SRRM4: variants seen among roughly 807,000 people sequenced by gnomAD.
SRRM4 encodes serine/arginine repetitive matrix 4.
In SRRM4, 33 loss-of-function variants were observed where a neutral mutation model predicts 68.9. That is an observed-to-expected ratio of 0.48 (90% CI 0.36 to 0.64). The LOEUF (loss-of-function observed/expected upper bound fraction) is 0.64. Ranked by LOEUF, SRRM4 falls within the 30% of genes least tolerant of loss-of-function variation. SRRM4 has a pLI of 0.00. For missense variants in SRRM4, 817 were observed against 827.1 expected, an observed-to-expected ratio of 0.99 and a Z score of 0.15; for synonymous variants, 318 against 318.8, an observed-to-expected ratio of 1.00 and a Z score of 0.03.
chr12:119,079,688 G>A (rs1953936495), intron 1 of SRRM4, among the ~76,000 whole-genome samples: 1 of 152,126 alleles, frequency 6.6e-6, no homozygotes, highest in Non-Finnish European at 1.5e-5. Context: ...GGACTTGGGG[G>A]TCAGCTACCC....
chr12:119,046,015 C>T (rs570211773), intron 1 of SRRM4, among the ~76,000 whole-genome samples: 72 of 151,580 alleles, frequency 4.7e-4, no homozygotes, highest in Non-Finnish European at 9.0e-4. Context: ...TCCAGCCTGG[C>T]GACAGAGCGA....
rs532501463 is a variant in SRRM4, at chr12:119,068,375, G to A, written c.132-33861G>A. On this transcript the variant is annotated intron_variant, in intron 1 of 12. Transcript: ENST00000267260. ...ATCACTATTGTGACCCAGCCTGGGA[G>A]CTGCAGGACAAAAAGGGAGCCAAGG... Among the ~76,000 whole-genome samples, 203 of 152,322 alleles carry A rather than the reference G, an allele frequency of 1.3e-3. 1 individual carries two copies. Among genetic ancestry groups the A allele is most frequent in the African/African-American group, 4.7e-3 (194 of 41,566 alleles).
chr12:119,117,054 G>A (rs2136049800), intron 4 of SRRM4, 46 bp downstream of exon 4: 5 of 1,560,998 alleles, frequency 3.2e-6, no homozygotes, highest in Non-Finnish European at 3.5e-6. Context: ...AGGTGGGGTG[G>A]GGAGGACAGT....
chr12:118,989,775 G>C (rs1333423166), intron 1 of SRRM4: 1 of 152,178 alleles, frequency 6.6e-6, no homozygotes, highest in Non-Finnish European at 1.5e-5. Flanking sequence ...TTCTCATCCG[G>C]AGAATCCTCT....
chr12:119,013,268 A>C (rs549933125), intron 1 of SRRM4, among the ~76,000 whole-genome samples: 2 of 6,926 alleles, frequency 2.9e-4, no homozygotes, highest in East Asian at 9.5e-4. Flanking sequence ...CAGAGATGAG[A>C]AAAATCAGGC....
chr12:119,112,150 A>G (rs998836006), intron 2 of SRRM4, among the ~76,000 whole-genome samples: 2 of 152,202 alleles, frequency 1.3e-5, no homozygotes, highest in African/African-American at 4.8e-5. Flanking sequence ...TTTATAACAT[A>G]TAAGTGTAGT....
intron 1 of SRRM4, among the ~76,000 whole-genome samples, chr12:119,081,201 A>T (rs1266713263): frequency 6.6e-6 from 1 of 152,224 alleles, no homozygotes; most frequent in Non-Finnish European, 1.5e-5. Context: ...TATGTAAATG[A>T]TCATATTATA....
chr12:119,014,272 A>T (rs1953468014), intron 1 of SRRM4, among the ~76,000 whole-genome samples: 1 of 152,154 alleles, frequency 6.6e-6, no homozygotes, highest in Admixed American at 6.6e-5. Context: ...GTGTTGCCTC[A>T]AACTTTCTGT....
intron 1 of SRRM4, among the ~76,000 whole-genome samples, chr12:119,018,040 A>C (rs1953492542): frequency 6.6e-6 from 1 of 152,220 alleles, no homozygotes; most frequent in Admixed American, 6.5e-5. Context: ...TGTCAATAAA[A>C]GGCTTGACAC....
chr12:119,088,937 T>A (rs73408072), intron 1 of SRRM4, among the ~76,000 whole-genome samples: 5 of 152,170 alleles, frequency 3.3e-5, no homozygotes, highest in Non-Finnish European at 7.3e-5. Flanking sequence ...GCGTGCATCA[T>A]CTCCAGGAGC....
chr12:119,037,489 AG>A (rs1953637445), intron 1 of SRRM4, among the ~76,000 whole-genome samples: 1 of 152,168 alleles, frequency 6.6e-6, no homozygotes, highest in African/African-American at 2.4e-5. Flanking sequence ...ATCACATTAT[AG>A]TCTGGATGAA....
At chr12:119,050,335 A>T (rs1258587966) in intron 1 of SRRM4, among the ~76,000 whole-genome samples, 5 of 152,226 alleles carry the variant, frequency 3.3e-5, no homozygotes, top group Non-Finnish European at 7.3e-5. Context: ...AGTAGTTGTG[A>T]TCACCTACAT....
chr12:118,984,894 T>C (rs1002480345), intron 1 of SRRM4, among the ~76,000 whole-genome samples: 6 of 152,244 alleles, frequency 3.9e-5, no homozygotes, highest in African/African-American at 1.4e-4. Flanking sequence ...TATCATTTAC[T>C]AGCTGTGTAT....
At chr12:119,149,665 A>T (rs974722048) in intron 9 of SRRM4, among the ~76,000 whole-genome samples, 6 of 152,150 alleles carry the variant, frequency 3.9e-5, no homozygotes, top group Non-Finnish European at 5.9e-5. Flanking sequence ...TGAAGAGGGA[A>T]TGGAGAGGGT....
rs371861803 is a variant in SRRM4, at chr12:119,156,675, C to T, written c.1713C>T (p.Ser571=). ...GGACCCGCACGAGCAGCAGCTCTAG[C>T]TCCCGCAGCCCTAGTCCGGGCTCCC... ...RSRTRTSSSS[S]SRSPSPGSRS... is the part of the protein sequence containing the mutation. The change falls in exon 13 of 13, where the codon AGC becomes AGT. Residue 571 remains serine, a synonymous_variant. Transcript: ENST00000267260. 136 of 1,561,498 alleles carry T rather than the reference C, an allele frequency of 8.7e-5. No homozygotes were observed. Among genetic ancestry groups the T allele is most frequent in the Non-Finnish European group, 1.1e-4 (127 of 1,154,486 alleles).
intron 2 of SRRM4, among the ~76,000 whole-genome samples, chr12:119,106,722 G>A (rs1954109914): frequency 6.6e-6 from 1 of 152,064 alleles, no homozygotes; most frequent in African/African-American, 2.4e-5. Context: ...GAGACAATGG[G>A]GTTTTATAAA....
intron 1 of SRRM4, among the ~76,000 whole-genome samples, chr12:119,037,658 G>T (rs1222099263): frequency 1.3e-5 from 2 of 152,132 alleles, no homozygotes; most frequent in Admixed American, 6.5e-5. Context: ...GATCACTGTG[G>T]GGACAGCTGG....
intron 1 of SRRM4, among the ~76,000 whole-genome samples, chr12:119,074,212 A>T (rs1376258809): frequency 2.0e-5 from 3 of 152,238 alleles, no homozygotes; most frequent in Non-Finnish European, 4.4e-5. Flanking sequence ...CGGTGAAAAA[A>T]AAAATCACAT....
chr12:119,019,374 G>C (rs1431810903), intron 1 of SRRM4, among the ~76,000 whole-genome samples: 2 of 152,120 alleles, frequency 1.3e-5, no homozygotes, highest in African/African-American at 2.4e-5. Flanking sequence ...ATCTGAGCCT[G>C]CTGCCTCATT....
Sources: gnomAD v4.1 joint callset for allele counts (sites outside exome capture counted in the v4.1 genomes callset) on GRCh38, gnomAD v4.1.1 for gene constraint, MANE v1.5 for transcripts, NCBI Gene and HGNC (gene_info 2026-07-23, HGNC 2026-07-21) for gene names.